Variants in NEK11 observed in about 807,000 individuals in gnomAD.
The protein encoded by NEK11 is serine/threonine-protein kinase Nek11.
In NEK11, 72 loss-of-function variants were observed where a neutral mutation model predicts 80.7. The observed-to-expected ratio is 0.89, with a 90% confidence interval of 0.74 to 1.08. The LOEUF is 1.08. NEK11 is among the 50% of genes least tolerant of loss of function. NEK11 has a pLI of 0.00. For synonymous variants in NEK11, 251 were observed against 260.7 expected, an observed-to-expected ratio of 0.96 and a Z score of 0.36; for missense variants, 764 against 763.6, an observed-to-expected ratio of 1.00 and a Z score of -0.01.
chr3:131,328,481 AAC>A (rs1024652616), intron 17 of NEK11: 1 of 152,184 alleles, frequency 6.6e-6, no homozygotes, highest in African/African-American at 2.4e-5. Context: ...TCTTGAAAAC[AAC>A]AGTCTTCTGC....
rs188882328 is a variant in NEK11 at position 131,086,798 on chromosome 3, A to G, written c.336+6210A>G. ...ATCTCTATTTCTATAATACATATACATATTCACATAAACTATTTGTACACA... is the reference window on the plus strand; with the variant it reads ...ATCTCTATTTCTATAATACATATACGTATTCACATAAACTATTTGTACACA... On this transcript the variant is annotated intron_variant, in intron 4 of 17. Coordinates refer to ENST00000383366, the MANE Select transcript of NEK11 (RefSeq NM_024800.5). Among the ~76,000 whole-genome samples, 14 of 152,316 alleles carry G rather than the reference A, an allele frequency of 9.2e-5. No homozygotes were observed. In the East Asian group the frequency reaches 2.7e-3, roughly 29 times the overall value.
chr3:131,150,043 G>A (rs2089315846), intron 7 of NEK11, among the ~76,000 whole-genome samples: 1 of 151,902 alleles, frequency 6.6e-6, no homozygotes, highest in South Asian at 2.1e-4. Context: ...TCCATTAAAA[G>A]TGTTTTCTAA....
At chr3:131,214,882 A>C (rs950802104) in intron 14 of NEK11, among the ~76,000 whole-genome samples, 11 of 152,166 alleles carry the variant, frequency 7.2e-5, no homozygotes, top group African/African-American at 2.7e-4. Flanking sequence ...CATTTTGTCT[A>C]AGAAAATTAT....
intron 3 of NEK11, chr3:131,053,412 A>G (rs965367131): frequency 2.0e-5 from 3 of 152,276 alleles, no homozygotes; most frequent in Admixed American, 1.3e-4. Context: ...TGGCTGAGAA[A>G]TAAATCTGAA....
chr3:131,065,576 A>G (rs1430370222), intron 3 of NEK11, among the ~76,000 whole-genome samples: 2 of 152,138 alleles, frequency 1.3e-5, no homozygotes, highest in East Asian at 3.9e-4. Flanking sequence ...ATACTGTTTC[A>G]TATTGAATTG....
At chr3:131,138,797 G>A (rs2086205365) in intron 7 of NEK11, among the ~76,000 whole-genome samples, 1 of 152,180 alleles carries the variant, frequency 6.6e-6, no homozygotes, top group Non-Finnish European at 1.5e-5. Flanking sequence ...ACCTCTACAA[G>A]TCTGTAAGAA....
intron 17 of NEK11, among the ~76,000 whole-genome samples, chr3:131,310,777 C>G (rs2096774191): frequency 6.6e-6 from 1 of 152,150 alleles, no homozygotes; most frequent in Non-Finnish European, 1.5e-5. Flanking sequence ...CACACAGCAA[C>G]ATTAATGCAG....
intron 14 of NEK11, among the ~76,000 whole-genome samples, chr3:131,212,451 A>C (rs1216323605): frequency 6.6e-6 from 1 of 152,158 alleles, no homozygotes; most frequent in Non-Finnish European, 1.5e-5. Context: ...TCAGGGACCC[A>C]CTTGAGGAGG....
At chr3:131,106,844 G>A (rs2079256953) in intron 4 of NEK11, among the ~76,000 whole-genome samples, 1 of 152,040 alleles carries the variant, frequency 6.6e-6, no homozygotes, top group African/African-American at 2.4e-5. Context: ...AACAGATCTT[G>A]TAGTATTCAT....
intron 4 of NEK11, among the ~76,000 whole-genome samples, chr3:131,091,861 C>T (rs1035931814): frequency 3.9e-5 from 6 of 152,192 alleles, no homozygotes; most frequent in Admixed American, 6.5e-5. Context: ...TCTTTCTGCC[C>T]AGCAACCTGA....
At chr3:131,175,068 G>A in intron 14 of NEK11, 1 of 1,166,172 alleles carries the variant, frequency 8.6e-7, no homozygotes. Flanking sequence ...GGCTGTCTAT[G>A]ACTTACGATA....
intron 7 of NEK11, among the ~76,000 whole-genome samples, chr3:131,136,951 G>T (rs1333080627): frequency 2.0e-5 from 3 of 152,200 alleles, no homozygotes; most frequent in Non-Finnish European, 4.4e-5. Context: ...ACTGCAATTA[G>T]ACAGAAAGAA....
intron 3 of NEK11, among the ~76,000 whole-genome samples, chr3:131,056,199 T>A (rs1430254547): frequency 6.6e-6 from 1 of 152,200 alleles, no homozygotes; most frequent in East Asian, 1.9e-4. Flanking sequence ...TCATTGTGTG[T>A]TTCTGCTCTG....
intron 17 of NEK11, among the ~76,000 whole-genome samples, chr3:131,312,289 T>C (rs2096789900): frequency 6.6e-6 from 1 of 152,238 alleles, no homozygotes; most frequent in South Asian, 2.1e-4. Flanking sequence ...TGGATAACAA[T>C]GCCTGCTTTC....
At chr3:131,045,193 A>G (rs1393208124) in intron 3 of NEK11, among the ~76,000 whole-genome samples, 2 of 152,144 alleles carry the variant, frequency 1.3e-5, no homozygotes, top group Non-Finnish European at 1.5e-5. Flanking sequence ...ACAATTGTCT[A>G]TTTGTGCCCT....
intron 17 of NEK11, among the ~76,000 whole-genome samples, chr3:131,300,071 G>C (rs1391704596): frequency 6.6e-6 from 1 of 152,058 alleles, no homozygotes; most frequent in African/African-American, 2.4e-5. Flanking sequence ...AATAGCCATT[G>C]TGACTGGTGG....
chr3:131,333,653 A>G (rs2097132909), intron 17 of NEK11, among the ~76,000 whole-genome samples: 1 of 152,216 alleles, frequency 6.6e-6, no homozygotes, highest in African/African-American at 2.4e-5. Flanking sequence ...AAATGCTCCA[A>G]TTAAAAGACA....
intron 14 of NEK11, among the ~76,000 whole-genome samples, chr3:131,194,884 C>T (rs1388812221): frequency 2.6e-5 from 4 of 152,114 alleles, no homozygotes; most frequent in Admixed American, 2.0e-4. Context: ...TGAATCTAGC[C>T]TTCCTACACT....
At chr3:131,213,191 C>CCACACA (rs3050805) in intron 14 of NEK11, among the ~76,000 whole-genome samples, 51 of 149,098 alleles carry the variant, frequency 3.4e-4, no homozygotes, top group Admixed American at 1.3e-3. Flanking sequence ...CCACCCATCT[C>CCACACA]CACACACACA....
Sources: gnomAD v4.1 joint callset for allele counts (sites outside exome capture counted in the v4.1 genomes callset) on GRCh38, gnomAD v4.1.1 for gene constraint, MANE v1.5 for transcripts, NCBI Gene and HGNC (gene_info 2026-07-23, HGNC 2026-07-21) for gene names.